The following ERC2 variants were observed in gnomAD, a reference collection of about 807,000 sequenced individuals.
The protein encoded by ERC2 is ELKS/RAB6-interacting/CAST family member 2.
Under a neutral mutation model 114.8 loss-of-function variants are expected in ERC2, and 42 were observed. The ratio of observed to expected loss-of-function variants is 0.37; its 90% confidence interval spans 0.29 to 0.47. The LOEUF (loss-of-function observed/expected upper bound fraction) is 0.47. Among genes scored for constraint, ERC2 ranks in the 20% least tolerant of loss-of-function variants. The pLI is 0.99. For missense variants in ERC2, 939 were observed against 1,150.7 expected (o/e 0.82, Z 2.66); for synonymous variants, 454 against 425.5 (o/e 1.07, Z -0.82).
intron 3 of ERC2, among the ~76,000 whole-genome samples, chr3:56,215,372 A>G (rs1037120172): frequency 1.3e-5 from 2 of 152,220 alleles, no homozygotes; most frequent in Non-Finnish European, 2.9e-5. Flanking sequence ...ACTTTAAACC[A>G]ACAAAGATCA....
chr3:56,055,002 T>A (rs996335588), intron 7 of ERC2, among the ~76,000 whole-genome samples: 1 of 152,206 alleles, frequency 6.6e-6, no homozygotes, highest in East Asian at 1.9e-4. Context: ...ATTGCAACAC[T>A]GAGGCTCGGA....
chr3:55,581,842 G>T (rs1317004065), intron 17 of ERC2, among the ~76,000 whole-genome samples: 1 of 152,162 alleles, frequency 6.6e-6, no homozygotes, highest in Non-Finnish European at 1.5e-5. Flanking sequence ...CCCCTGGGGA[G>T]AACTCTGCCA....
chr3:56,240,432 G>A (rs1460111568), intron 3 of ERC2, among the ~76,000 whole-genome samples: 1 of 152,156 alleles, frequency 6.6e-6, no homozygotes, highest in African/African-American at 2.4e-5. Flanking sequence ...GTTTAAAAAT[G>A]TGCTCAGAAT....
intron 2 of ERC2, among the ~76,000 whole-genome samples, chr3:56,398,380 T>C (rs2060391889): frequency 6.6e-6 from 1 of 152,136 alleles, no homozygotes; most frequent in Non-Finnish European, 1.5e-5. Flanking sequence ...CCCAGAAAAG[T>C]AGGGTTGCCA....
intron 17 of ERC2, among the ~76,000 whole-genome samples, chr3:55,592,758 T>C (rs1382970601): frequency 2.0e-5 from 3 of 152,162 alleles, no homozygotes; most frequent in African/African-American, 7.2e-5. Context: ...CCTACGTAGT[T>C]AAATCACAGC....
intron 7 of ERC2, among the ~76,000 whole-genome samples, chr3:56,033,604 C>T (rs1481924350): frequency 6.6e-6 from 1 of 152,070 alleles, no homozygotes; most frequent in Non-Finnish European, 1.5e-5. Flanking sequence ...GTCTAGGAAA[C>T]TTTTATCACT....
chr3:55,765,138 TTTTCA>T (rs1197338029), intron 14 of ERC2, among the ~76,000 whole-genome samples: 3 of 152,220 alleles, frequency 2.0e-5, no homozygotes, highest in African/African-American at 7.2e-5. Context: ...TATTTCTTTC[TTTTCA>T]TTTATTTATT....
At chr3:55,931,614 C>T (rs573032987) in intron 13 of ERC2, among the ~76,000 whole-genome samples, 3 of 151,926 alleles carry the variant, frequency 2.0e-5, no homozygotes, top group Non-Finnish European at 2.9e-5. Context: ...GTGTGGGGGG[C>T]TAGGGGAGGG....
At chr3:55,999,240 A>G (rs1019050411) in intron 10 of ERC2, among the ~76,000 whole-genome samples, 7 of 152,184 alleles carry the variant, frequency 4.6e-5, no homozygotes, top group African/African-American at 1.4e-4. Flanking sequence ...ACAAAACTCC[A>G]GGAGTAGAAT....
intron 3 of ERC2, among the ~76,000 whole-genome samples, chr3:56,179,784 T>C (rs1346248144): frequency 6.6e-6 from 1 of 151,162 alleles, no homozygotes; most frequent in Non-Finnish European, 1.5e-5. Context: ...TGGTTTTGTA[T>C]GTGTTAAGTT....
intron 14 of ERC2, among the ~76,000 whole-genome samples, chr3:55,822,568 C>CTTT (rs202173599): frequency 1.5e-5 from 2 of 137,074 alleles, no homozygotes; most frequent in African/African-American, 5.5e-5. Context: ...TCTTTTTTTT[C>CTTT]TTTTTTTTTT....
At chr3:55,838,808 C>T (rs920395852) in intron 14 of ERC2, among the ~76,000 whole-genome samples, 1 of 151,872 alleles carries the variant, frequency 6.6e-6, no homozygotes, top group African/African-American at 2.4e-5. Flanking sequence ...ATATTACCTA[C>T]AATTCTATGT....
chr3:56,155,775 T>C (rs1163317680), intron 4 of ERC2, among the ~76,000 whole-genome samples: 1 of 151,828 alleles, frequency 6.6e-6, no homozygotes, highest in Non-Finnish European at 1.5e-5. Context: ...ACATACAAAA[T>C]CAAGAGCACT....
chr3:56,422,151 A>C (rs1456925802), intron 2 of ERC2, among the ~76,000 whole-genome samples: 1 of 152,182 alleles, frequency 6.6e-6, no homozygotes, highest in East Asian at 1.9e-4. Flanking sequence ...CTAGGAGGCC[A>C]GCGAGGTACT....
rs869296098 is a variant in ERC2 at position 55,675,903 on chromosome 3, C to CTTTTTTTTTTTTTTTTTTTTTTTTTTTT, written c.*39+7863_*39+7890dup. 2.9e-3 allele frequency among the ~76,000 whole-genome samples: 140 copies of CTTTTTTTTTTTTTTTTTTTTTTTTTTTT among 47,994 alleles called. 28 individuals are homozygous for CTTTTTTTTTTTTTTTTTTTTTTTTTTTT. Among genetic ancestry groups the CTTTTTTTTTTTTTTTTTTTTTTTTTTTT allele is most frequent in the Middle Eastern group, 0.021 (1 of 48 alleles). 31.5% of individuals were successfully genotyped at this position (47,994 alleles called of 152,430 possible). A position where few individuals can be genotyped will look rare whatever the true frequency, so the allele number is the denominator to read the frequency against. ...TTCCATCTTTCTTTCTCTTTTCTTT[C>CTTTTTTTTTTTTTTTTTTTTTTTTTTTT]TTTTTTTTTTTTTTTTTTTTTTTTT... On this transcript the variant is annotated intron_variant, in intron 17 of 17. Transcript: ENST00000288221.
chr3:56,103,569 T>C (rs1575431845), intron 6 of ERC2, among the ~76,000 whole-genome samples: 1 of 152,044 alleles, frequency 6.6e-6, no homozygotes, highest in East Asian at 1.9e-4. Context: ...CCCAGGGACA[T>C]TTGGCAGTCT....
At chr3:55,851,264 A>C (rs932901091) in intron 14 of ERC2, among the ~76,000 whole-genome samples, 1 of 152,138 alleles carries the variant, frequency 6.6e-6, no homozygotes, top group Non-Finnish European at 1.5e-5. Context: ...GGCCTGGAGC[A>C]GGCTCCTACG....
intron 6 of ERC2, among the ~76,000 whole-genome samples, chr3:56,117,379 C>A (rs1171943141): frequency 1.3e-5 from 2 of 152,194 alleles, no homozygotes; most frequent in African/African-American, 4.8e-5. Flanking sequence ...TTTACATAAT[C>A]CTCCACAGGA....
chr3:55,947,651 GCAC>G (rs1269773251), intron 13 of ERC2, among the ~76,000 whole-genome samples: 2 of 152,178 alleles, frequency 1.3e-5, no homozygotes, highest in East Asian at 3.9e-4. Context: ...GCTGCCCCAG[GCAC>G]CACGACAGAT....
Sources: gnomAD v4.1 joint callset for allele counts (sites outside exome capture counted in the v4.1 genomes callset) on GRCh38, gnomAD v4.1.1 for gene constraint, MANE v1.5 for transcripts, NCBI Gene and HGNC (gene_info 2026-07-23, HGNC 2026-07-21) for gene names.